The following ZNF573 variants were observed in gnomAD, a reference collection of about 807,000 sequenced individuals.
The protein encoded by ZNF573 is zinc finger protein 573.
ZNF573 carries 41 observed loss-of-function variants against 57.4 expected under a neutral mutation model. That is an observed-to-expected ratio of 0.71 (90% CI 0.56 to 0.93). ZNF573 has a LOEUF of 0.93. Among genes scored for constraint, ZNF573 ranks in the 40% least tolerant of loss-of-function variants. The pLI is 0.00. For missense variants in ZNF573, 730 were observed against 794.8 expected (o/e 0.92, Z 0.98); for synonymous variants, 249 against 261.0 (o/e 0.95, Z 0.44).
chr19:37,770,873 T>TATATATATATATATATATATATATATA (rs1599707908), intron 3 of ZNF573, among the ~76,000 whole-genome samples: 12 of 129,766 alleles, frequency 9.2e-5, no homozygotes, highest in East Asian at 2.6e-4. Flanking sequence ...TATATATATA[T>TATATATATATATATATATATATATATA]TCCCCCTCCC....
intron 4 of ZNF573, chr19:37,759,046 C>G (rs1315695256): frequency 1.9e-6 from 1 of 540,168 alleles, no homozygotes; most frequent in African/African-American, 2.0e-5. Flanking sequence ...TAGGCTCACA[C>G]CTGTATTTTC....
intron 4 of ZNF573, among the ~76,000 whole-genome samples, chr19:37,760,540 T>C (rs2045541354): frequency 6.6e-6 from 1 of 152,148 alleles, no homozygotes; most frequent in Admixed American, 6.5e-5. Flanking sequence ...TTCCAGCTAA[T>C]GGGCCAGGTG....
Position 37,739,455 on chromosome 19 carries a change from A to G in ZNF573, c.1035T>C (p.Phe345=), listed in dbSNP as rs757878818. ...CGKGYTTASY[F]LLHQRIHKGG... is the part of the protein sequence containing the mutation. ...CTTTATGAATTCTCTGATGTAGAAG[A>G]AAGTATGAGGCAGTGGTATAGCCCT... The change falls in exon 5 of 5, where the codon TTT becomes TTC. Residue 345 remains phenylalanine, a synonymous_variant. Transcript: ENST00000536220. The G allele has an allele frequency of 1.2e-6, 2 of 1,614,132 alleles. No homozygotes were observed. The highest frequency in any genetic ancestry group is 1.1e-5 in the South Asian group (1 of 91,070).
Position 37,773,702 on chromosome 19 carries a change from C to T in ZNF573, c.28G>A (p.Val10Ile). MFPVLEPHQ[V>I]GLIRSYNSKT... is the part of the protein sequence containing the mutation. ...GAATTGTAAGACCTGATCAGTCCTA[C>T]TTGGTGGGGTTCCAATACTGGAAAC... The change falls in exon 2 of 5, where the codon GTA becomes ATA. Residue 10 changes from valine (V) to isoleucine (I), a missense_variant. Val to Ile is a conservative substitution (Grantham distance 29). Transcript: ENST00000536220. 1 of 1,535,878 alleles carries T rather than the reference C, an allele frequency of 6.5e-7. No homozygotes were observed. The highest frequency in any genetic ancestry group is 1.7e-4 in the Middle Eastern group (1 of 5,988).
chr19:37,751,114 GTA>G (rs1284138307), intron 4 of ZNF573, among the ~76,000 whole-genome samples: 1 of 141,864 alleles, frequency 7.0e-6, no homozygotes, highest in Admixed American at 7.2e-5. Flanking sequence ...TATATACTGT[GTA>G]TATATACAGT....
intron 1 of ZNF573, among the ~76,000 whole-genome samples, chr19:37,777,167 T>A (rs2045716643): frequency 6.6e-6 from 1 of 152,124 alleles, no homozygotes; most frequent in African/African-American, 2.4e-5. Context: ...AGTCATTATA[T>A]AAAATTATTT....
At chr19:37,771,530 C>A (rs771086672) in intron 3 of ZNF573, 34 bp downstream of exon 3, 3 of 1,598,474 alleles carry the variant, frequency 1.9e-6, no homozygotes, top group South Asian at 2.2e-5. Context: ...TATCACAGAT[C>A]ACATTTTAAA....
chr19:37,772,413 G>A (rs777555172), intron 2 of ZNF573, among the ~76,000 whole-genome samples: 6 of 151,260 alleles, frequency 4.0e-5, no homozygotes, highest in Admixed American at 2.6e-4. Context: ...GATTACAGGC[G>A]TGAGCCACTG....
In ZNF573 at chr19:37,745,221, C is replaced by A. The variant is rs188517689; in HGVS notation, c.296-5027G>T. 8.5e-5 allele frequency among the ~76,000 whole-genome samples: 13 copies of A among 152,170 alleles called. No homozygotes were observed. The East Asian group carries it at 2.5e-3, about 29-fold the overall frequency. On this transcript the variant is annotated intron_variant, in intron 4 of 4. Coordinates refer to ENST00000536220, the MANE Select transcript of ZNF573 (RefSeq NM_001172690.2). ...TCCCGAGTAGCTGGGGCCACAGGCA[C>A]CCACCACTATGCTTGGCTAATTTTT...
At chr19:37,756,436 T>C (rs185431490) in intron 4 of ZNF573, among the ~76,000 whole-genome samples, 174 of 152,274 alleles carry the variant, frequency 1.1e-3, no homozygotes, top group African/African-American at 3.8e-3. Context: ...ATTGCAGGCA[T>C]GGTCACTCAA....
rs781442836 is a variant in ZNF573, at chr19:37,738,905, T to A, written c.1585A>T (p.Lys529Ter). 3 of 1,611,164 alleles carry A rather than the reference T, an allele frequency of 1.9e-6. No homozygotes were observed. In the Middle Eastern group the frequency reaches 5.0e-4, roughly 266 times the overall value. The change falls in exon 5 of 5, where the codon AAG becomes TAG. Residue 529 changes from lysine (K) to a stop codon, truncating the protein, a stop_gained. Transcript: ENST00000536220. LOFTEE classifies it high-confidence loss of function. ...AAAGTAAAGGTTTTTCTACATACCTTACATTCATAGGGTTTCATACCAGTA... is the reference window on the plus strand; with the variant it reads ...AAAGTAAAGGTTTTTCTACATACCTAACATTCATAGGGTTTCATACCAGTA... ...IHTGMKPYEC[K>*]VCRKTFTFYR... is the part of the protein sequence containing the mutation.
rs150928122 is a variant in ZNF573, at chr19:37,747,938, G to A, written c.296-7744C>T. 1.9e-3 allele frequency among the ~76,000 whole-genome samples: 283 copies of A among 152,092 alleles called. 1 individual carries two copies. The East Asian group carries it at 0.025, about 13-fold the overall frequency. On this transcript the variant is annotated intron_variant, in intron 4 of 4. Transcript: ENST00000536220. ...CCTGACCTCGTGATCCACCTGCCTC[G>A]GCCTCCCAAAGTGCTGGGATTACAG... is the stretch of plus-strand genomic sequence containing the variant.
chr19:37,741,996 T>C (rs899135080), intron 4 of ZNF573, among the ~76,000 whole-genome samples: 1 of 152,118 alleles, frequency 6.6e-6, no homozygotes. Context: ...ACAAAATCAA[T>C]GTGAAAAAAT....
intron 4 of ZNF573, among the ~76,000 whole-genome samples, chr19:37,750,473 T>C (rs1447711759): frequency 2.6e-5 from 4 of 152,048 alleles, no homozygotes; most frequent in African/African-American, 7.2e-5. Flanking sequence ...TCAGATATAA[T>C]TGATAAGAGA....
chr19:37,772,602 G>A (rs959514108), intron 2 of ZNF573, among the ~76,000 whole-genome samples: 3 of 150,908 alleles, frequency 2.0e-5, no homozygotes, highest in African/African-American at 7.3e-5. Flanking sequence ...TTACTCCGTC[G>A]TTAATCCATC....
Position 37,738,619 on chromosome 19 carries a change from T to C in ZNF573, c.1871A>G (p.Asn624Ser), listed in dbSNP as rs1402572044. The C allele has an allele frequency of 5.6e-6, 9 of 1,611,942 alleles. No homozygotes were observed. The Admixed American group carries it at 1.3e-4, about 24-fold the overall frequency. ...ECGKAFSRAS[N>S]LVQHERIHTG... is the part of the protein sequence containing the mutation. ...ATGAATTCTCTCATGTTGAACAAGG[T>C]TTGAAGCACGACTGAAGGCCTTCCC... The change falls in exon 5 of 5, where the codon AAC becomes AGC. Residue 624 changes from asparagine (N) to serine (S), a missense_variant. Transcript: ENST00000536220.
At chr19:37,752,478 T>C (rs150470660) in intron 4 of ZNF573, among the ~76,000 whole-genome samples, 12 of 152,312 alleles carry the variant, frequency 7.9e-5, no homozygotes, top group East Asian at 7.7e-4. Context: ...AAAAACATTA[T>C]GCTAAGTGAA....
At chr19:37,756,095 T>A (rs1310242045) in intron 4 of ZNF573, among the ~76,000 whole-genome samples, 1 of 152,222 alleles carries the variant, frequency 6.6e-6, no homozygotes, top group African/African-American at 2.4e-5. Flanking sequence ...GTGAAAAGGC[T>A]GTTGGCTCCT....
intron 4 of ZNF573, among the ~76,000 whole-genome samples, chr19:37,760,801 A>G (rs892398999): frequency 2.6e-5 from 4 of 151,882 alleles, no homozygotes; most frequent in African/African-American, 9.7e-5. Context: ...CAGCCTGGGC[A>G]ACAGAGTAAG....
Sources: allele counts gnomAD v4.1 joint callset (sites outside exome capture counted in the v4.1 genomes callset), GRCh38; gene constraint gnomAD v4.1.1; transcripts MANE v1.5; gene names NCBI Gene and HGNC (gene_info 2026-07-23, HGNC 2026-07-21).